The following ERC2 variants were observed in gnomAD, a reference collection of about 807,000 sequenced individuals.
The protein encoded by ERC2 is ERC protein 2.
In ERC2, 42 loss-of-function variants were observed where a neutral mutation model predicts 114.8. The observed-to-expected ratio is 0.37, with a 90% CI of 0.29 to 0.47. The LOEUF is 0.47. ERC2 is among the 20% of genes least tolerant of loss of function. ERC2 has a pLI of 0.99. For missense variants in ERC2, 939 were observed against 1,150.7 expected, an observed-to-expected ratio of 0.82 and a Z score of 2.66; for synonymous variants, 454 against 425.5, an observed-to-expected ratio of 1.07 and a Z score of -0.82.
At chr3:55,772,500 T>G in intron 14 of ERC2, among the ~76,000 whole-genome samples, 1 of 152,196 alleles carries the variant, frequency 6.6e-6, no homozygotes, top group Admixed American at 6.5e-5. Context: ...TATTTTTTAG[T>G]AGAGACGGGG....
chr3:56,245,317 C>T (rs555901771), intron 3 of ERC2, among the ~76,000 whole-genome samples: 9 of 152,054 alleles, frequency 5.9e-5, no homozygotes, highest in Admixed American at 2.6e-4. Flanking sequence ...CACTATGAGA[C>T]GTATTACCAC....
chr3:56,196,353 G>T (rs1221214111), intron 3 of ERC2, among the ~76,000 whole-genome samples: 1 of 152,114 alleles, frequency 6.6e-6, no homozygotes, highest in East Asian at 1.9e-4. Flanking sequence ...ATCTTGAGAG[G>T]AAAAGCACTA....
chr3:56,070,262 C>A (rs1319107266), intron 7 of ERC2, among the ~76,000 whole-genome samples: 1 of 152,050 alleles, frequency 6.6e-6, no homozygotes, highest in Non-Finnish European at 1.5e-5. Flanking sequence ...GGGAGAAAAA[C>A]AGAATCATCT....
At chr3:55,621,540 G>C (rs2059329535) in intron 17 of ERC2, among the ~76,000 whole-genome samples, 1 of 152,156 alleles carries the variant, frequency 6.6e-6, no homozygotes, top group African/African-American at 2.4e-5. Flanking sequence ...TTCAGGCACT[G>C]TACTAGGCTA....
chr3:56,434,241 T>A, intron 2 of ERC2, 110 bp downstream of exon 2: 2 of 953,382 alleles, frequency 2.1e-6, no homozygotes, highest in Non-Finnish European at 3.1e-6. Context: ...GCCATAACCT[T>A]CTTGATGATG....
At chr3:55,828,838 A>G (rs1279928223) in intron 14 of ERC2, among the ~76,000 whole-genome samples, 1 of 152,168 alleles carries the variant, frequency 6.6e-6, no homozygotes. Context: ...TCTAAACTAC[A>G]CAATGTTCAA....
chr3:55,921,025 AG>A (rs2065397068), intron 13 of ERC2, among the ~76,000 whole-genome samples: 1 of 152,144 alleles, frequency 6.6e-6, no homozygotes, highest in African/African-American at 2.4e-5. Context: ...GTGGGAATGC[AG>A]AAACCTCTGA....
intron 17 of ERC2, among the ~76,000 whole-genome samples, chr3:55,519,688 G>A (rs1271465345): frequency 6.6e-6 from 1 of 152,120 alleles, no homozygotes; most frequent in Non-Finnish European, 1.5e-5. Context: ...CCTTGAAGCA[G>A]ATGGATCCAG....
intron 2 of ERC2, among the ~76,000 whole-genome samples, chr3:56,394,639 G>C (rs762673300): frequency 2.6e-5 from 4 of 152,098 alleles, no homozygotes; most frequent in Admixed American, 6.6e-5. Flanking sequence ...AGCTATAAGG[G>C]AAATGCAAAC....
chr3:55,740,008 T>C (rs1238516276), intron 14 of ERC2, among the ~76,000 whole-genome samples: 10 of 152,188 alleles, frequency 6.6e-5, no homozygotes, highest in Non-Finnish European at 1.5e-4. Flanking sequence ...ATTTGTTAAA[T>C]AGGGAATCCT....
intron 17 of ERC2, among the ~76,000 whole-genome samples, chr3:55,628,711 C>A (rs1231933961): frequency 6.6e-6 from 1 of 152,086 alleles, no homozygotes; most frequent in South Asian, 2.1e-4. Flanking sequence ...AGATGAAAAG[C>A]GGAAGGCTTC....
At chr3:55,584,433 T>C (rs796316341) in intron 17 of ERC2, among the ~76,000 whole-genome samples, 21 of 152,310 alleles carry the variant, frequency 1.4e-4, no homozygotes, top group African/African-American at 5.1e-4. Context: ...CCAGGTGTTC[T>C]GGGCTCAGTT....
intron 17 of ERC2, among the ~76,000 whole-genome samples, chr3:55,565,076 G>T (rs1435500920): frequency 6.6e-6 from 1 of 152,196 alleles, no homozygotes; most frequent in Non-Finnish European, 1.5e-5. Context: ...TGGGAGAGCA[G>T]CAGGTTAAAG....
intron 2 of ERC2, among the ~76,000 whole-genome samples, chr3:56,353,070 G>A (rs1213531276): frequency 6.6e-6 from 1 of 152,146 alleles, no homozygotes; most frequent in Non-Finnish European, 1.5e-5. Flanking sequence ...AGTCTAGGAG[G>A]CAAGGGTCAT....
intron 2 of ERC2, among the ~76,000 whole-genome samples, chr3:56,303,860 C>A (rs1198505552): frequency 6.6e-6 from 1 of 152,118 alleles, no homozygotes; most frequent in Non-Finnish European, 1.5e-5. Flanking sequence ...TGGGCAAGGA[C>A]TGGGAGAGGC....
intron 3 of ERC2, among the ~76,000 whole-genome samples, chr3:56,178,442 T>TTTA (rs1355468365): frequency 6.6e-6 from 1 of 152,138 alleles, no homozygotes; most frequent in African/African-American, 2.4e-5. Context: ...TACATGGCCT[T>TTTA]TTATTACCTA....
intron 2 of ERC2, among the ~76,000 whole-genome samples, chr3:56,421,270 A>G (rs372198234): frequency 6.6e-6 from 1 of 152,236 alleles, no homozygotes; most frequent in Admixed American, 6.5e-5. Flanking sequence ...ACTAGAACTA[A>G]GGCAAGCTTC....
In ERC2 at chr3:56,206,689, C is replaced by T. The variant is rs568029431; in HGVS notation, c.1075-33169G>A. 2.0e-5 allele frequency among the ~76,000 whole-genome samples: 3 copies of T among 152,290 alleles called. No individual in the cohort carries two copies. In the South Asian group the frequency reaches 6.2e-4, roughly 32 times the overall value. On this transcript the variant is annotated intron_variant, in intron 3 of 17. Transcript: ENST00000288221. ...GAATATGCAGACCTTATAAAACACA[C>T]ACACATCCCAGATTAGGAACTCCTC...
chr3:55,570,618 C>T (rs7609711), intron 17 of ERC2, among the ~76,000 whole-genome samples: 2 of 152,002 alleles, frequency 1.3e-5, no homozygotes, highest in African/African-American at 2.4e-5. Context: ...CTGGCATGCC[C>T]GGGGAAGAAC....
Sources: gnomAD v4.1 joint callset for allele counts (sites outside exome capture counted in the v4.1 genomes callset) on GRCh38, gnomAD v4.1.1 for gene constraint, MANE v1.5 for transcripts, NCBI Gene and HGNC (gene_info 2026-07-23, HGNC 2026-07-21) for gene names.